The following ANKRD36B variants were observed in gnomAD, a reference collection of about 807,000 sequenced individuals.
ANKRD36B encodes the protein ankyrin repeat domain 36B.
Under a neutral mutation model 135.7 loss-of-function variants are expected in ANKRD36B, and 37 were observed. The ratio of observed to expected loss-of-function variants is 0.27; its 90% CI spans 0.21 to 0.36. The LOEUF (loss-of-function observed/expected upper bound fraction) is 0.36, where lower values mean the gene tolerates loss of function less well. ANKRD36B is among the 10% of genes least tolerant of loss of function. The pLI is 1.00. For synonymous variants in ANKRD36B, 179 were observed against 348.1 expected (o/e 0.51, Z 5.41); for missense variants, 549 against 1,037.1 (o/e 0.53, Z 6.46).
intron 8 of ANKRD36B, among the ~76,000 whole-genome samples, chr2:97,560,100 T>C (rs2080886353): frequency 6.6e-6 from 1 of 151,854 alleles, no homozygotes; most frequent in Admixed American, 6.6e-5. Flanking sequence ...TTTATGCAAA[T>C]ATTCCAAATG....
At chr2:97,554,858 G>T (rs915294809) in intron 14 of ANKRD36B, among the ~76,000 whole-genome samples, 2 of 151,822 alleles carry the variant, frequency 1.3e-5, no homozygotes, top group Admixed American at 6.6e-5. Context: ...TCAATGTGGG[G>T]AAGTCTATAA....
At position 97,524,663 on chromosome 2, in the gene ANKRD36B, A is replaced by T. The variant is rs1267143694; in HGVS notation, c.2266-1196T>A. The T allele has an allele frequency of 2.1e-5, 2 of 96,644 alleles. 1 individual carries two copies. Among genetic ancestry groups the T allele is most frequent in the Non-Finnish European group, 5.5e-5 (2 of 36,336 alleles). The allele number at this position is 96,644 out of a possible 1,614,324, so 6.0% of individuals were successfully genotyped here. ...TGAATCATTTGTCAAATTAGAGGGTATTTACTTAAGTTTGTTCTTCCTGTA... is the reference window on the plus strand; with the variant it reads ...TGAATCATTTGTCAAATTAGAGGGTTTTTACTTAAGTTTGTTCTTCCTGTA... On this transcript the variant is annotated intron_variant, in intron 35 of 43. Transcript: ENST00000359901.
chr2:97,576,008 G>A (rs2082210642), intron 6 of ANKRD36B, among the ~76,000 whole-genome samples: 1 of 150,354 alleles, frequency 6.7e-6, no homozygotes, highest in Admixed American at 6.6e-5. Flanking sequence ...GATTCATTTA[G>A]TAATTGCAAA....
At chr2:97,585,817 A>G (rs1573101950) in intron 1 of ANKRD36B, among the ~76,000 whole-genome samples, 3 of 152,374 alleles carry the variant, frequency 2.0e-5, no homozygotes, top group Admixed American at 2.0e-4. Context: ...AGACATTTTA[A>G]TTAAGTAAAA....
chr2:97,496,824 T>C (rs10202587), intron 43 of ANKRD36B, among the ~76,000 whole-genome samples: 605 of 59,438 alleles, frequency 0.01, 22 homozygotes, highest in African/African-American at 0.029. Flanking sequence ...TGTATGTATA[T>C]ATGTGTGTGT....
At chr2:97,562,087 G>A (rs1307700963) in intron 6 of ANKRD36B, among the ~76,000 whole-genome samples, 1 of 151,850 alleles carries the variant, frequency 6.6e-6, no homozygotes, top group African/African-American at 2.4e-5. Context: ...CCTGGATTCA[G>A]CAGTTCTACC....
intron 30 of ANKRD36B, chr2:97,539,677 G>A (rs1445370694): frequency 7.9e-6 from 1 of 126,184 alleles, no homozygotes; most frequent in East Asian, 1.4e-4. Context: ...TTTTAGGAAC[G>A]CGATGTGATA....
chr2:97,574,249 A>T (rs1350003962), intron 6 of ANKRD36B, among the ~76,000 whole-genome samples: 1 of 152,200 alleles, frequency 6.6e-6, no homozygotes, highest in Non-Finnish European at 1.5e-5. Context: ...GACACTTCTC[A>T]AAAGAAGACA....
intron 24 of ANKRD36B, among the ~76,000 whole-genome samples, chr2:97,545,100 T>C (rs2079342362): frequency 1.0e-5 from 1 of 96,164 alleles, no homozygotes; most frequent in African/African-American, 3.1e-5. Flanking sequence ...TCTTCTTTTA[T>C]GCAAATGTTC....
rs749145841 is a variant in ANKRD36B at position 97,547,590 on chromosome 2, C to A, written c.1525G>T (p.Asp509Tyr). 2.9e-5 allele frequency: 46 copies of A among 1,571,196 alleles called. No individual in the cohort carries two copies. In the African/African-American group the frequency reaches 5.6e-4, roughly 19 times the overall value. Residue 509 changes from aspartate (D) to tyrosine (Y), a missense_variant, in exon 22 of 44, where the codon GAT (aspartate) becomes TAT (tyrosine). Physicochemically the swap from Asp to Tyr is radical, Grantham distance 160. Coordinates refer to ENST00000359901, the MANE Select transcript of ANKRD36B (RefSeq NM_001393939.1). ...PGLKATRDEK[D>Y]SLLNIARGKK... ...CCTCTGGCTATATTCAAAAGAGAAT[C>A]TTTCTCGTCTCTTGTAGCCTGAATG...
chr2:97,572,865 T>A (rs1352880924), intron 6 of ANKRD36B, among the ~76,000 whole-genome samples: 1 of 151,494 alleles, frequency 6.6e-6, no homozygotes, highest in African/African-American at 2.4e-5. Context: ...TTTTTCTCCA[T>A]GACATTATAT....
intron 1 of ANKRD36B, among the ~76,000 whole-genome samples, chr2:97,586,159 CA>C (rs1484135002): frequency 6.6e-6 from 1 of 151,118 alleles, no homozygotes; most frequent in East Asian, 1.9e-4. Flanking sequence ...AAAAAGAAGG[CA>C]AAAATAAAAA....
rs1205063192 is a variant in ANKRD36B at position 97,525,251 on chromosome 2, A to C, written c.2266-1784T>G. ...TTTCCCAAAAATGAATTAGGAGATG[A>C]CTTGTGGTACTATAAAGGCACTGTC... On this transcript the variant is annotated intron_variant, in intron 35 of 43. Coordinates refer to ENST00000359901, the MANE Select transcript of ANKRD36B (RefSeq NM_001393939.1). Among the ~76,000 whole-genome samples, 2 of 96,778 alleles carry C rather than the reference A, an allele frequency of 2.1e-5. 1 individual carries two copies. The highest frequency in any genetic ancestry group is 6.2e-5 in the African/African-American group (2 of 32,254). The allele number at this position is 96,778 out of a possible 152,430, so 63.5% of individuals were successfully genotyped here.
intron 10 of ANKRD36B, among the ~76,000 whole-genome samples, chr2:97,557,948 G>T (rs1376887768): frequency 6.6e-6 from 1 of 151,642 alleles, no homozygotes; most frequent in East Asian, 1.9e-4. Flanking sequence ...AATTTTAAAA[G>T]TCAATTAATG....
chr2:97,564,800 T>C (rs2081311645), intron 6 of ANKRD36B, among the ~76,000 whole-genome samples: 1 of 152,194 alleles, frequency 6.6e-6, no homozygotes, highest in Non-Finnish European at 1.5e-5. Context: ...TTGAATCAGG[T>C]AGCATGATGC....
chr2:97,566,529 T>C (rs954870610), intron 6 of ANKRD36B, among the ~76,000 whole-genome samples: 4 of 152,202 alleles, frequency 2.6e-5, no homozygotes, highest in African/African-American at 4.8e-5. Context: ...TCTTACGTGC[T>C]TAGCATGTAC....
At chr2:97,581,351 C>T (rs1480779524) in intron 3 of ANKRD36B, among the ~76,000 whole-genome samples, 1 of 151,918 alleles carries the variant, frequency 6.6e-6, no homozygotes, top group Non-Finnish European at 1.5e-5. Flanking sequence ...CACCTGAGCA[C>T]CTGACATTGT....
intron 6 of ANKRD36B, among the ~76,000 whole-genome samples, chr2:97,562,355 T>G (rs2081102134): frequency 6.6e-6 from 1 of 151,946 alleles, no homozygotes; most frequent in African/African-American, 2.4e-5. Flanking sequence ...TCACATGATA[T>G]ACCATCAGGG....
intron 20 of ANKRD36B, among the ~76,000 whole-genome samples, chr2:97,548,854 C>G (rs2079754263): frequency 6.6e-6 from 1 of 151,886 alleles, no homozygotes; most frequent in Non-Finnish European, 1.5e-5. Flanking sequence ...TTAAAATATT[C>G]CAAATGCATC....
Sources: allele counts gnomAD v4.1 joint callset (sites outside exome capture counted in the v4.1 genomes callset), GRCh38; gene constraint gnomAD v4.1.1; transcripts MANE v1.5; gene names NCBI Gene and HGNC (gene_info 2026-07-23, HGNC 2026-07-21).